ANKRD30A: variants seen among roughly 807,000 people sequenced by gnomAD.
ANKRD30A encodes the protein ankyrin repeat domain 30A, also known as ankyrin repeat domain-containing protein 30A.
In ANKRD30A, 170 loss-of-function variants were observed where a neutral mutation model predicts 166.3. That is an observed-to-expected ratio of 1.02 (90% CI 0.90 to 1.16). The LOEUF is 1.16. Among genes scored for constraint, ANKRD30A ranks in the 50% most tolerant of loss-of-function variants. The probability of loss-of-function intolerance (pLI) is 0.00; values close to 1 mark genes in which losing one functional copy is unlikely to be tolerated. For synonymous variants in ANKRD30A, 564 were observed against 508.9 expected (o/e 1.11, Z -1.46); for missense variants, 1,630 against 1,518.0 (o/e 1.07, Z -1.23).
intron 34 of ANKRD30A, among the ~76,000 whole-genome samples, chr10:37,227,040 G>A (rs1843190715): frequency 6.6e-6 from 1 of 151,854 alleles, no homozygotes; most frequent in African/African-American, 2.4e-5. Flanking sequence ...AATGGTAAGT[G>A]TTCTTTATAT....
intron 12 of ANKRD30A, among the ~76,000 whole-genome samples, chr10:37,153,059 A>C (rs1838074572): frequency 6.6e-6 from 1 of 152,126 alleles, no homozygotes; most frequent in Non-Finnish European, 1.5e-5. Context: ...TACCGAAAGG[A>C]AGCAGCTTTT....
At chr10:37,172,501 T>C (rs1839654288) in intron 21 of ANKRD30A, among the ~76,000 whole-genome samples, 1 of 138,290 alleles carries the variant, frequency 7.2e-6, no homozygotes, top group Non-Finnish European at 1.6e-5. Context: ...AACAGTGTTG[T>C]ATGGGAAGAA....
At chr10:37,132,464 A>G in intron 4 of ANKRD30A, 118 bp downstream of exon 4, 8 of 583,378 alleles carry the variant, frequency 1.4e-5, no homozygotes, top group East Asian at 6.6e-5. Flanking sequence ...GAAAATATCA[A>G]TACAGATTAT....
the ANKRD30A span, among the ~76,000 whole-genome samples, chr10:37,252,731 T>C: frequency 6.6e-6 from 1 of 152,270 alleles, no homozygotes; most frequent in South Asian, 2.1e-4. Flanking sequence ...TTGACTTCTC[T>C]TTTCTGTACC....
chr10:37,151,579 T>C (rs531088539), intron 11 of ANKRD30A, among the ~76,000 whole-genome samples: 5 of 152,232 alleles, frequency 3.3e-5, no homozygotes, highest in African/African-American at 9.6e-5. Flanking sequence ...GGACATATAG[T>C]TGACTAACAT....
rs1837170318 is a variant in ANKRD30A at position 37,142,003 on chromosome 10, C to G, written c.1106C>G (p.Ser369Cys). The change falls in exon 7 of 36, where the codon TCT becomes TGT. Residue 369 changes from serine to cysteine, a missense_variant. By Grantham distance (112) the Ser-to-Cys change is moderately radical. This residue lies in a region of ANKRD30A where 904 missense variants were observed against 818.5 expected (regional missense o/e 1.10). Coordinates refer to ENST00000361713, the MANE Select transcript of ANKRD30A (RefSeq NM_052997.3). ...REITSPAKETSEKFTWPAKGR... is the reference protein window; with the variant it reads ...REITSPAKETCEKFTWPAKGR... ...ATTACGAGTCCTGCAAAAGAAACAT[C>G]TGAGAAATTTACGTGGCCAGCAAAA... 2 of 1,614,104 alleles carry G rather than the reference C, an allele frequency of 1.2e-6. No individual in the cohort carries two copies. Among genetic ancestry groups the G allele is most frequent in the Non-Finnish European group, 1.7e-6 (2 of 1,179,976 alleles).
intron 18 of ANKRD30A, among the ~76,000 whole-genome samples, chr10:37,166,232 T>C (rs1246704607): frequency 1.3e-5 from 2 of 152,166 alleles, no homozygotes; most frequent in African/African-American, 4.8e-5. Flanking sequence ...TCCAGGCAAG[T>C]AGCAAATGCG....
intron 5 of ANKRD30A, among the ~76,000 whole-genome samples, chr10:37,136,365 G>A (rs944106878): frequency 6.6e-6 from 1 of 152,064 alleles, no homozygotes; most frequent in Non-Finnish European, 1.5e-5. Context: ...GCTAACTCTA[G>A]TTAATTTACT....
At position 37,190,194 on chromosome 10, in the gene ANKRD30A, G is replaced by A. The variant is rs931329351; in HGVS notation, c.2512+637G>A. On this transcript the variant is annotated intron_variant, in intron 25 of 35. Coordinates refer to ENST00000361713, the MANE Select transcript of ANKRD30A (RefSeq NM_052997.3). ...ACCAGAGGTTTTCAAACTTTAGAAA[G>A]TCAGCTGAAAACCTTGTTAACAATT... is the stretch of plus-strand genomic sequence containing the variant. Among the ~76,000 whole-genome samples, 63 of 151,858 alleles carry A rather than the reference G, an allele frequency of 4.1e-4. 2 individuals carry two copies. Among genetic ancestry groups the A allele is most frequent in the African/African-American group, 7.8e-4 (32 of 41,226 alleles).
Position 37,132,263 on chromosome 10 carries a change from A to G in ANKRD30A, c.534A>G (p.Leu178=), listed in dbSNP as rs565287078. 5.6e-6 allele frequency: 9 copies of G among 1,602,454 alleles called. No individual in the cohort carries two copies. The South Asian group carries it at 5.7e-5, about 10-fold the overall frequency. ...HNKASLTPLL[L]SITKRSEQIV... ...AGGCTAGCCTCACACCACTTTTACT[A>G]TCCATAACGAAAAGAAGTGAGCAAA... The change falls in exon 4 of 36, where the codon CTA becomes CTG. Residue 178 remains leucine (L), a synonymous_variant. Transcript: ENST00000361713.
chr10:37,146,423 T>G (rs921987837), intron 8 of ANKRD30A, among the ~76,000 whole-genome samples: 3 of 152,216 alleles, frequency 2.0e-5, no homozygotes, highest in African/African-American at 7.2e-5. Context: ...CATGAATAAT[T>G]TCAGTGTTTA....
intron 17 of ANKRD30A, among the ~76,000 whole-genome samples, chr10:37,163,203 G>A (rs1292425148): frequency 1.2e-4 from 15 of 128,976 alleles, no homozygotes; most frequent in Non-Finnish European, 1.6e-4. Flanking sequence ...GGTTTACTTC[G>A]GGGATCCCAT....
downstream of ANKRD30A, among the ~76,000 whole-genome samples, chr10:37,233,858 CAAG>C (rs1008508966): frequency 3.9e-5 from 6 of 152,038 alleles, no homozygotes; most frequent in African/African-American, 7.2e-5. Context: ...GCATTACAAA[CAAG>C]AAGACATTTA....
At chr10:37,235,109 A>G (rs1843614729), downstream of ANKRD30A, among the ~76,000 whole-genome samples, 1 of 152,178 alleles carries the variant, frequency 6.6e-6, no homozygotes, top group Non-Finnish European at 1.5e-5. Context: ...ACTTACTACA[A>G]CAGTTTTAGG....
the ANKRD30A span, among the ~76,000 whole-genome samples, chr10:37,256,318 A>T: frequency 2.0e-5 from 3 of 152,190 alleles, no homozygotes; most frequent in African/African-American, 4.8e-5. Context: ...GTGCAGTGGC[A>T]CAATCATGGA....
the ANKRD30A span, among the ~76,000 whole-genome samples, chr10:37,255,840 A>T: frequency 6.6e-6 from 1 of 152,180 alleles, no homozygotes; most frequent in African/African-American, 2.4e-5. Flanking sequence ...GTAATCTATG[A>T]TCTATTCTCC....
At chr10:37,157,785 GAGGTACA>G (rs1838499129) in intron 13 of ANKRD30A, among the ~76,000 whole-genome samples, 1 of 152,150 alleles carries the variant, frequency 6.6e-6, no homozygotes, top group Non-Finnish European at 1.5e-5. Flanking sequence ...GTATTTCACA[GAGGTACA>G]AAAATGAATA....
At chr10:37,254,872 C>T in the ANKRD30A span, among the ~76,000 whole-genome samples, 56 of 151,818 alleles carry the variant, frequency 3.7e-4, no homozygotes, top group African/African-American at 1.2e-3. Flanking sequence ...TTAGTAGAGA[C>T]GGGGCTTCAC....
chr10:37,230,888 G>C (rs867526211), intron 34 of ANKRD30A, among the ~76,000 whole-genome samples: 1 of 152,058 alleles, frequency 6.6e-6, no homozygotes, highest in African/African-American at 2.4e-5. Context: ...CCCCACCTCC[G>C]ATGCCTTGGT....
Sources: allele counts gnomAD v4.1 joint callset (sites outside exome capture counted in the v4.1 genomes callset), GRCh38; gene constraint gnomAD v4.1.1; regional missense constraint gnomAD v4.1.1; transcripts MANE v1.5; gene names NCBI Gene and HGNC (gene_info 2026-07-23, HGNC 2026-07-21).